The following HDAC3 variants were observed in gnomAD, a reference collection of about 807,000 sequenced individuals.
HDAC3 encodes histone deacetylase 3.
In HDAC3, 21 loss-of-function variants were observed where a neutral mutation model predicts 62.3. The ratio of observed to expected loss-of-function variants is 0.34; its 90% CI spans 0.24 to 0.49. The LOEUF (loss-of-function observed/expected upper bound fraction) is 0.49, where lower values mean the gene tolerates loss of function less well. Among genes scored for constraint, HDAC3 ranks in the 20% least tolerant of loss-of-function variants. The pLI is 0.99. For missense variants in HDAC3, 270 were observed against 556.9 expected (o/e 0.48, Z 5.19); for synonymous variants, 198 against 206.5 (o/e 0.96, Z 0.35).
chr5:141,629,587 A>C lies in HDAC3; in HGVS notation c.476+97T>G, dbSNP rs1418174104. On this transcript the variant is annotated intron_variant, in intron 6 of 14. Transcript: ENST00000305264. This position sits in a 1 kb window ranked among gnomAD's most constrained non-coding sequence, Gnocchi z 5.3. ...AAGCATCAAGAACTTGGGAGAAGCTAATCAGGGAGGAGGGAGGTCAAGGTC... is the reference window on the plus strand; with the variant it reads ...AAGCATCAAGAACTTGGGAGAAGCTCATCAGGGAGGAGGGAGGTCAAGGTC... 8.2e-7 allele frequency: 1 copy of C among 1,223,328 alleles called. No homozygotes were observed. The highest frequency in any genetic ancestry group is 1.2e-6 in the Non-Finnish European group (1 of 845,546). 75.8% of individuals were successfully genotyped at this position (1,223,328 alleles called of 1,614,324 possible). A position where few individuals can be genotyped will look rare whatever the true frequency, so the allele number is the denominator to read the frequency against.
Position 141,628,048 on chromosome 5 carries a change from C to A in HDAC3, c.765+66G>T. 1 of 1,599,850 alleles carries A rather than the reference C, an allele frequency of 6.3e-7. No individual in the cohort carries two copies. The highest frequency in any genetic ancestry group is 1.1e-5 in the South Asian group (1 of 90,794). ...TTCCACCACCAACCTAAAGAACCTC[C>A]TCTTCCCTTGCTCTCTTTCCCCAAG... On this transcript the variant is annotated intron_variant, in intron 9 of 14. Coordinates refer to ENST00000305264, the MANE Select transcript of HDAC3 (RefSeq NM_003883.4). The surrounding 1 kb of genome is among the most constrained non-coding windows in gnomAD (Gnocchi z 4.7).
In HDAC3 at chr5:141,626,191, C is replaced by G; in HGVS notation, c.920+3G>C. ...CAGGGGAGGAAATCAGGAGAGTGCTCACCAGCAGCGGGCAACATTTCGGAC... is the reference window on the plus strand; with the variant it reads ...CAGGGGAGGAAATCAGGAGAGTGCTGACCAGCAGCGGGCAACATTTCGGAC... On this transcript the variant is annotated splice_donor_region_variant and intron_variant, in intron 11 of 14. Coordinates refer to ENST00000305264, the MANE Select transcript of HDAC3 (RefSeq NM_003883.4). This position sits in a 1 kb window ranked among gnomAD's most constrained non-coding sequence, Gnocchi z 4.6. The G allele has an allele frequency of 6.2e-7, 1 of 1,613,816 alleles. No individual in the cohort carries two copies. Among genetic ancestry groups the G allele is most frequent in the Non-Finnish European group, 8.5e-7 (1 of 1,179,716 alleles).
rs2099904412 is a variant in HDAC3, at chr5:141,626,344, T to C, written c.831-61A>G. The C allele has an allele frequency of 2.4e-6, 3 of 1,229,076 alleles. No individual in the cohort carries two copies. Among genetic ancestry groups the C allele is most frequent in the Non-Finnish European group, 3.6e-6 (3 of 836,216 alleles). 76.1% of individuals were successfully genotyped at this position (1,229,076 alleles called of 1,614,324 possible). ...TTATCAAAAGACAAGGTAAATACCTTTAGGTATTGCCTGAAAGGAGCACAA... is the reference window on the plus strand; with the variant it reads ...TTATCAAAAGACAAGGTAAATACCTCTAGGTATTGCCTGAAAGGAGCACAA... On this transcript the variant is annotated intron_variant, in intron 10 of 14. Transcript: ENST00000305264. This position sits in a 1 kb window ranked among gnomAD's most constrained non-coding sequence, Gnocchi z 4.6.
Position 141,628,407 on chromosome 5 carries a change from T to G in HDAC3, c.691+152A>C. 1.3e-6 allele frequency: 1 copy of G among 748,492 alleles called. No individual in the cohort carries two copies. Among genetic ancestry groups the G allele is most frequent in the East Asian group, 2.6e-5 (1 of 37,942 alleles). The allele number at this position is 748,492 out of a possible 1,614,324, so 46.4% of individuals were successfully genotyped here. On this transcript the variant is annotated intron_variant, in intron 8 of 14. Transcript: ENST00000305264. This position sits in a 1 kb window ranked among gnomAD's most constrained non-coding sequence, Gnocchi z 4.7. ...GAAAAATGCACATACACATGATATG[T>G]TGCATACAATTTCCAGAGATTCATG...
intron 3 of HDAC3, among the ~76,000 whole-genome samples, chr5:141,631,974 C>T (rs1319973644): frequency 6.6e-6 from 1 of 151,138 alleles, no homozygotes; most frequent in East Asian, 1.9e-4. Context: ...CTGAAAGTGG[C>T]TGTCACTGGG....
chr5:141,636,481 G>A (rs1031728762), intron 2 of HDAC3, 67 bp downstream of exon 2: 3 of 1,437,226 alleles, frequency 2.1e-6, no homozygotes, highest in East Asian at 4.5e-5. Context: ...ACTCAGTCCA[G>A]CCCACCTATC....
intron 14 of HDAC3, among the ~76,000 whole-genome samples, chr5:141,623,177 C>T (rs143803240): frequency 2.6e-5 from 4 of 152,160 alleles, no homozygotes; most frequent in East Asian, 3.9e-4. Flanking sequence ...AGATTCCTCC[C>T]GTGTTAATCT....
chr5:141,621,566 T>G (rs1260086566), intron 14 of HDAC3, 29 bp from the exon 15 acceptor site: 1 of 1,588,184 alleles, frequency 6.3e-7, no homozygotes, highest in Admixed American at 1.7e-5. Flanking sequence ...GAGGTCAGGA[T>G]CTCACTCTAA....
Position 141,629,320 on chromosome 5 carries a change from A to G in HDAC3, c.477-14T>C. ...CGAGGGTGGTACCTAGAGGGAAGCC[A>G]AAGCCAGGGTCTGAGCTAGAAGTGA... On this transcript the variant is annotated splice_polypyrimidine_tract_variant and intron_variant, in intron 6 of 14. Transcript: ENST00000305264. The surrounding 1 kb of genome is among the most constrained non-coding windows in gnomAD (Gnocchi z 5.3). The G allele has an allele frequency of 6.2e-7, 1 of 1,614,128 alleles. No homozygotes were observed. Among genetic ancestry groups the G allele is most frequent in the Non-Finnish European group, 8.5e-7 (1 of 1,180,006 alleles).
At chr5:141,632,858 G>A (rs904890741) in intron 3 of HDAC3, among the ~76,000 whole-genome samples, 4 of 152,296 alleles carry the variant, frequency 2.6e-5, no homozygotes, top group South Asian at 2.1e-4. Context: ...TTGGAAAGGT[G>A]CCAATGCCAG....
Position 141,628,487 on chromosome 5 carries a change from C to T in HDAC3, c.691+72G>A. 1 of 1,250,074 alleles carries T rather than the reference C, an allele frequency of 8.0e-7. No homozygotes were observed. The highest frequency in any genetic ancestry group is 2.3e-5 in the East Asian group (1 of 43,210). The allele number at this position is 1,250,074 out of a possible 1,614,324, so 77.4% of individuals were successfully genotyped here. On this transcript the variant is annotated intron_variant, in intron 8 of 14. Coordinates refer to ENST00000305264, the MANE Select transcript of HDAC3 (RefSeq NM_003883.4). The surrounding 1 kb of genome is among the most constrained non-coding windows in gnomAD (Gnocchi z 4.7). ...ACAACTGGCCCAACAGCAGACAATA[C>T]CAGGCAGAAGAGGTTATTTCAAGGA...
chr5:141,635,671 C>T (rs891516510), intron 2 of HDAC3, among the ~76,000 whole-genome samples: 11 of 152,272 alleles, frequency 7.2e-5, no homozygotes, highest in African/African-American at 2.7e-4. Context: ...GGCTGCTGAT[C>T]ATAGATCACT....
Position 141,634,795 on chromosome 5 carries a change from C to T in HDAC3, c.281+16G>A, listed in dbSNP as rs751618310. 2 of 1,612,288 alleles carry T rather than the reference C, an allele frequency of 1.2e-6. No homozygotes were observed. Among genetic ancestry groups the T allele is most frequent in the Non-Finnish European group, 1.7e-6 (2 of 1,178,962 alleles). ...CATTAAACTGTTAGACATCAAAACT[C>T]CCAGTCCTCCCTCACCAGTCATCGC... On this transcript the variant is annotated intron_variant, in intron 3 of 14. Coordinates refer to ENST00000305264, the MANE Select transcript of HDAC3 (RefSeq NM_003883.4).
intron 3 of HDAC3, among the ~76,000 whole-genome samples, chr5:141,634,139 TG>T (rs1480546951): frequency 6.6e-6 from 1 of 152,154 alleles, no homozygotes; most frequent in East Asian, 1.9e-4. Flanking sequence ...ACTCCTTCGT[TG>T]TTTTTTTTGT....
chr5:141,622,036 T>C (rs368927192), intron 14 of HDAC3, among the ~76,000 whole-genome samples: 11 of 152,112 alleles, frequency 7.2e-5, no homozygotes, highest in African/African-American at 2.7e-4. Flanking sequence ...AAGAGACTGA[T>C]GTATTCCAGT....
intron 14 of HDAC3, chr5:141,624,976 G>T: frequency 2.0e-6 from 1 of 495,210 alleles, no homozygotes; most frequent in Non-Finnish European, 3.6e-6. Flanking sequence ...CTGTGGAATA[G>T]GTCTGGGATT....
At position 141,626,271 on chromosome 5, in the gene HDAC3, T is replaced by C; in HGVS notation, c.843A>G (p.Glu281=). The C allele has an allele frequency of 6.2e-7, 1 of 1,613,948 alleles. No individual in the cohort carries two copies. Among genetic ancestry groups the C allele is most frequent in the Non-Finnish European group, 8.5e-7 (1 of 1,179,876 alleles). ...LSIRGHGECV[E]YVKSFNIPLL... is the part of the protein sequence containing the mutation. ...GAGGGATATTGAAGCTCTTGACATA[T>C]TCAACGCATTCCCTGTTAAAAGGAA... The change falls in exon 11 of 15, where the codon GAA becomes GAG. Residue 281 remains glutamate (E), a synonymous_variant. Transcript: ENST00000305264. The surrounding 1 kb of genome is among the most constrained non-coding windows in gnomAD (Gnocchi z 4.6).
At chr5:141,624,316 T>C (rs1160215928) in intron 14 of HDAC3, among the ~76,000 whole-genome samples, 1 of 133,080 alleles carries the variant, frequency 7.5e-6, no homozygotes, top group African/African-American at 2.9e-5. Context: ...CAGGAGGACA[T>C]TTGAGCCCAG....
Position 141,629,389 on chromosome 5 carries a change from AAG to A in HDAC3, c.477-85_477-84del. 6.3e-7 allele frequency: 1 copy of A among 1,583,468 alleles called. No homozygotes were observed. Among genetic ancestry groups the A allele is most frequent in the Non-Finnish European group, 8.6e-7 (1 of 1,156,886 alleles). ...CTCAAACACCGGGTCTCGAATTGTG[AAG>A]AGTCTGCTTCTGCCCTGGTCACCTG... On this transcript the variant is annotated intron_variant, in intron 6 of 14. Transcript: ENST00000305264. This position sits in a 1 kb window ranked among gnomAD's most constrained non-coding sequence, Gnocchi z 5.3.
Sources: gnomAD v4.1 joint callset for allele counts (sites outside exome capture counted in the v4.1 genomes callset) on GRCh38, gnomAD v4.1.1 for gene constraint, Gnocchi (gnomAD v3.1) non-coding constraint, MANE v1.5 for transcripts, NCBI Gene and HGNC (gene_info 2026-07-23, HGNC 2026-07-21) for gene names.